The following PLCB3 variants were observed in gnomAD, a reference collection of about 807,000 sequenced individuals.
PLCB3 encodes the protein phospholipase C beta 3, also known as 1-phosphatidylinositol 4,5-bisphosphate phosphodiesterase beta-3.
In PLCB3, 54 loss-of-function variants were observed where a neutral mutation model predicts 152.1. The observed-to-expected ratio is 0.36, with a 90% CI of 0.29 to 0.45. The LOEUF (loss-of-function observed/expected upper bound fraction) is 0.45, where lower values mean the gene tolerates loss of function less well. PLCB3 is among the 20% of genes least tolerant of loss of function. The pLI, the probability that PLCB3 is intolerant of heterozygous loss-of-function variation, is 1.00. For synonymous variants in PLCB3, 717 were observed against 698.7 expected, an observed-to-expected ratio of 1.03 and a Z score of -0.41; for missense variants, 1,248 against 1,687.5, an observed-to-expected ratio of 0.74 and a Z score of 4.56.
At chr11:64,261,795 C>G (rs1042461717) in intron 16 of PLCB3, 130 bp downstream of exon 16, 1 of 1,428,042 alleles carries the variant, frequency 7.0e-7, no homozygotes, top group Non-Finnish European at 9.8e-7. Flanking sequence ...GCACCCTGGC[C>G]TGGGGCTTGG....
chr11:64,255,221 A>C lies in PLCB3; in HGVS notation c.388-13A>C, dbSNP rs2031456076. 1.9e-6 allele frequency: 3 copies of C among 1,610,032 alleles called. No homozygotes were observed. Among genetic ancestry groups the C allele is most frequent in the East Asian group, 2.2e-5 (1 of 44,834 alleles). The stretch of plus-strand genomic sequence containing the variant: ...CCCCACTCACCGCCTCCCCGTGTAT[A>C]CTGGCCCCCCAGGTCTGGTCTGAGG... On this transcript the variant is annotated splice_polypyrimidine_tract_variant and intron_variant, in intron 4 of 30. Transcript: ENST00000279230. This position sits in a 1 kb window ranked among gnomAD's most constrained non-coding sequence, Gnocchi z 6.8.
In PLCB3 at chr11:64,267,365, C is replaced by A; in HGVS notation, c.3514C>A (p.Leu1172Met). The change falls in exon 31 of 31, where the codon CTG becomes ATG. Residue 1172 changes from leucine (L) to methionine (M), a missense_variant. Around this residue, in one of 6 missense-constraint regions of PLCB3, gnomAD observed 477 missense variants for 489.6 expected, o/e 0.97. Transcript: ENST00000279230. This position sits in a 1 kb window ranked among gnomAD's most constrained non-coding sequence, Gnocchi z 5.2. ...CCTTCTCCCACAGCTGCTGGCCCAGCTGGCCCAGGAGTGTCAGGAGCAGCG... is the reference window on the plus strand; with the variant it reads ...CCTTCTCCCACAGCTGCTGGCCCAGATGGCCCAGGAGTGTCAGGAGCAGCG... ...AEEEPKLLAQ[L>M]AQECQEQRAR... The A allele has an allele frequency of 6.5e-7, 1 of 1,546,560 alleles. No homozygotes were observed. The highest frequency in any genetic ancestry group is 1.2e-5 in the South Asian group (1 of 83,568).
At chr11:64,251,785 GACT>G (rs2031215082) in intron 1 of PLCB3, 37 bp downstream of exon 1, 2 of 1,218,088 alleles carry the variant, frequency 1.6e-6, no homozygotes, top group Non-Finnish European at 2.2e-6. Context: ...CAAATCCCGG[GACT>G]CTTTCAGTCA....
Position 64,255,195 on chromosome 11 carries a change from C to A in PLCB3, c.388-39C>A, listed in dbSNP as rs201173471. 38 of 1,557,348 alleles carry A rather than the reference C, an allele frequency of 2.4e-5. No homozygotes were observed. In the East Asian group the frequency reaches 7.9e-4, roughly 32 times the overall value. ...GGTTGTGGCTGGGCAGCCCCTGTGT[C>A]CCCCACTCACCGCCTCCCCGTGTAT... On this transcript the variant is annotated intron_variant, in intron 4 of 30. Coordinates refer to ENST00000279230, the MANE Select transcript of PLCB3 (RefSeq NM_000932.5). This position sits in a 1 kb window ranked among gnomAD's most constrained non-coding sequence, Gnocchi z 6.8.
intron 13 of PLCB3, 78 bp downstream of exon 13, chr11:64,259,322 C>T: frequency 8.6e-7 from 1 of 1,167,958 alleles, no homozygotes; most frequent in Non-Finnish European, 1.2e-6. Context: ...GACACTTCAT[C>T]CCAGACCCCC....
intron 1 of PLCB3, among the ~76,000 whole-genome samples, chr11:64,253,939 G>C (rs965333986): frequency 3.3e-5 from 5 of 152,194 alleles, no homozygotes; most frequent in African/African-American, 1.2e-4. Context: ...GGATGCAGAA[G>C]GGCAGTGGGA....
At position 64,266,400 on chromosome 11, in the gene PLCB3, G is replaced by A. The variant is rs202061611; in HGVS notation, c.3352G>A (p.Glu1118Lys). The A allele has an allele frequency of 2.5e-6, 4 of 1,605,576 alleles. No homozygotes were observed. Among genetic ancestry groups the A allele is most frequent in the Non-Finnish European group, 3.4e-6 (4 of 1,172,510 alleles). ...EAKMRDKHKK[E>K]AELTEINRRH... ...CAAGATGAGGGACAAGCATAAGAAGGAGGCGTAAGGGCACCGGGACCGGGG... is the reference window on the plus strand; with the variant it reads ...CAAGATGAGGGACAAGCATAAGAAGAAGGCGTAAGGGCACCGGGACCGGGG... The change falls in exon 28 of 31, where the codon GAG becomes AAG. Residue 1118 changes from glutamate to lysine, a missense_variant. Glu to Lys is a moderately conservative substitution (Grantham distance 56, BLOSUM62 1). Transcript: ENST00000279230. This position sits in a 1 kb window ranked among gnomAD's most constrained non-coding sequence, Gnocchi z 4.9.
chr11:64,261,890 C>T (rs538480971), intron 16 of PLCB3, 62 bp from the exon 17 acceptor site: 14 of 1,604,900 alleles, frequency 8.7e-6, no homozygotes, highest in South Asian at 4.4e-5. Context: ...TGGCTGAGGC[C>T]GGAGGTGGAG....
At chr11:64,262,923 T>G in intron 19 of PLCB3, 115 bp downstream of exon 19, 2 of 1,113,982 alleles carry the variant, frequency 1.8e-6, no homozygotes, top group South Asian at 1.4e-5. Flanking sequence ...GATCAGAAAG[T>G]GGGGGGTGCC....
At chr11:64,252,328 C>G (rs904325939) in intron 1 of PLCB3, among the ~76,000 whole-genome samples, 2 of 152,152 alleles carry the variant, frequency 1.3e-5, no homozygotes, top group Non-Finnish European at 2.9e-5. Context: ...CTTTGCCCCC[C>G]AAGTTCCTCC....
Position 64,256,448 on chromosome 11 carries a change from G to A in PLCB3, c.771G>A (p.Pro257=), listed in dbSNP as rs779044459. The change falls in exon 9 of 31, where the codon CCG becomes CCA. Residue 257 remains proline (P), a synonymous_variant. Transcript: ENST00000279230. ...MDFINQKQRD[P]RLNEVLYPPL... is the part of the protein sequence containing the mutation. ...TCATCAACCAGAAGCAACGCGACCC[G>A]AGACTCAACGAAGTGCTGTACCCGC... 5.6e-6 allele frequency: 9 copies of A among 1,613,650 alleles called. No homozygotes were observed. Among genetic ancestry groups the A allele is most frequent in the South Asian group, 1.1e-5 (1 of 91,084 alleles).
rs1243495747 is a variant in PLCB3, at chr11:64,267,456, G to C, written c.3605G>C (p.Gly1202Ala). 11 of 1,556,000 alleles carry C rather than the reference G, an allele frequency of 7.1e-6. No homozygotes were observed. In the Admixed American group the frequency reaches 1.5e-4, roughly 21 times the overall value. The change falls in exon 31 of 31, where the codon GGG becomes GCG. Residue 1202 changes from glycine to alanine, a missense_variant. Gly to Ala is a moderately conservative substitution (Grantham distance 60). This residue lies in a region of PLCB3 where 477 missense variants were observed against 489.6 expected (regional missense o/e 0.97). Transcript: ENST00000279230. The surrounding 1 kb of genome is among the most constrained non-coding windows in gnomAD (Gnocchi z 5.2). ...GAGATGCCGGAGGGGCTGGGGGACGGGCCTCTGGTGGCCTGTGCCAGCAAC... is the reference window on the plus strand; with the variant it reads ...GAGATGCCGGAGGGGCTGGGGGACGCGCCTCTGGTGGCCTGTGCCAGCAAC... ...LGEMPEGLGD[G>A]PLVACASNGH...
At chr11:64,263,982 G>T (rs751104345) in intron 21 of PLCB3, 39 bp from the exon 22 acceptor site, 3 of 1,494,116 alleles carry the variant, frequency 2.0e-6, no homozygotes, top group Non-Finnish European at 2.7e-6. Flanking sequence ...TGGCCTGGGG[G>T]CTCTGTCTCT....
rs199806975 is a variant in PLCB3 at position 64,265,525 on chromosome 11, T to C, written c.3035+23T>C. Reference sequence around the variant, plus strand: ...CCTGTGAGTGTCTGGGCCGCCTGTGTGCTATGTGTGCTGGGTGTGCTGATG... The same window carrying C: ...CCTGTGAGTGTCTGGGCCGCCTGTGCGCTATGTGTGCTGGGTGTGCTGATG... On this transcript the variant is annotated intron_variant, in intron 25 of 30. Coordinates refer to ENST00000279230, the MANE Select transcript of PLCB3 (RefSeq NM_000932.5). The C allele has an allele frequency of 2.1e-5, 33 of 1,579,174 alleles. No homozygotes were observed. In the East Asian group the frequency reaches 7.5e-4, roughly 36 times the overall value.
chr11:64,260,960 G>A (rs1457670078), intron 14 of PLCB3, among the ~76,000 whole-genome samples: 2 of 152,074 alleles, frequency 1.3e-5, no homozygotes, highest in African/African-American at 4.8e-5. Flanking sequence ...AAAGGGTCAT[G>A]ATGTCTATAA....
Position 64,255,207 on chromosome 11 carries a change from G to C in PLCB3, c.388-27G>C. 1 of 1,591,610 alleles carries C rather than the reference G, an allele frequency of 6.3e-7. No individual in the cohort carries two copies. The highest frequency in any genetic ancestry group is 1.7e-5 in the Admixed American group (1 of 59,814). ...GCAGCCCCTGTGTCCCCCACTCACC[G>C]CCTCCCCGTGTATACTGGCCCCCCA... On this transcript the variant is annotated intron_variant, in intron 4 of 30. Transcript: ENST00000279230. The surrounding 1 kb of genome is among the most constrained non-coding windows in gnomAD (Gnocchi z 6.8).
At chr11:64,259,621 C>T (rs1164350818) in intron 13 of PLCB3, among the ~76,000 whole-genome samples, 1 of 152,072 alleles carries the variant, frequency 6.6e-6, no homozygotes, top group Non-Finnish European at 1.5e-5. Context: ...GTTATCATTT[C>T]AGCTGACCTC....
rs931186915 is a variant in PLCB3, at chr11:64,267,268, C to T, written c.3498C>T (p.Pro1166=). The change falls in exon 30 of 31, where the codon CCC becomes CCT. Residue 1166 remains proline, a synonymous_variant. Transcript: ENST00000279230. This position sits in a 1 kb window ranked among gnomAD's most constrained non-coding sequence, Gnocchi z 5.2. Reference sequence around the variant, plus strand: ...TGCAACAGCTGGCAGAAGAGGAGCCCAAGGTGAGGCCATGGGCGAACAGGT... The same window carrying T: ...TGCAACAGCTGGCAGAAGAGGAGCCTAAGGTGAGGCCATGGGCGAACAGGT... ...QVLQQLAEEE[P]KLLAQLAQEC... The T allele has an allele frequency of 2.7e-5, 42 of 1,550,884 alleles. No individual in the cohort carries two copies. The highest frequency in any genetic ancestry group is 3.5e-5 in the Non-Finnish European group (40 of 1,146,974).
At position 64,254,964 on chromosome 11, in the gene PLCB3, AC is replaced by A; in HGVS notation, c.314del (p.Thr105ArgfsTer9). Reference protein sequence around the residue: ...PDARLEEKLMTVVSGPDPVNT... With the variant: ...PDARLEEKLMXVVSGPDPVNT... ...TGCCCGGCTGGAGGAGAAGCTGATG[AC>A]GGTGGTGTCTGGGCCAGACCCAGTG... On this transcript the variant is annotated frameshift_variant, in exon 4 of 31. Transcript: ENST00000279230. LOFTEE classifies it high-confidence loss of function. 6.3e-7 allele frequency: 1 copy of A among 1,599,620 alleles called. No individual in the cohort carries two copies. Among genetic ancestry groups the A allele is most frequent in the Non-Finnish European group, 8.5e-7 (1 of 1,171,590 alleles).
Sources: allele counts gnomAD v4.1 joint callset (sites outside exome capture counted in the v4.1 genomes callset), GRCh38; gene constraint gnomAD v4.1.1; regional missense constraint gnomAD v4.1.1; non-coding constraint Gnocchi (gnomAD v3.1); transcripts MANE v1.5; gene names NCBI Gene and HGNC (gene_info 2026-07-23, HGNC 2026-07-21).